KCNMB2: variants seen among roughly 807,000 people sequenced by gnomAD.
KCNMB2 encodes potassium calcium-activated channel subfamily M regulatory beta subunit 2.
Under a neutral mutation model 24.5 loss-of-function variants are expected in KCNMB2, and 9 were observed. That is an observed-to-expected ratio of 0.37 (90% CI 0.22 to 0.64). KCNMB2 has a LOEUF of 0.64. Ranked by LOEUF, KCNMB2 falls within the 30% of genes least tolerant of loss-of-function variation. KCNMB2 has a pLI of 0.63. For missense variants in KCNMB2, 226 were observed against 284.3 expected, an observed-to-expected ratio of 0.79 and a Z score of 1.47; for synonymous variants, 109 against 104.4, an observed-to-expected ratio of 1.04 and a Z score of -0.27.
intron 1 of KCNMB2, among the ~76,000 whole-genome samples, chr3:178,741,042 G>GA (rs1246171552): frequency 2.0e-5 from 3 of 152,208 alleles, no homozygotes; most frequent in Admixed American, 6.5e-5. Context: ...TAAGGAGTGA[G>GA]AGAGAAATAT....
intron 1 of KCNMB2, among the ~76,000 whole-genome samples, chr3:178,590,727 G>A (rs556048009): frequency 6.6e-6 from 1 of 152,250 alleles, no homozygotes; most frequent in African/African-American, 2.4e-5. Context: ...GCTTGTAGTT[G>A]GAGAAAACAC....
intron 1 of KCNMB2, among the ~76,000 whole-genome samples, chr3:178,803,140 G>A (rs886356515): frequency 2.0e-5 from 3 of 152,164 alleles, no homozygotes; most frequent in Admixed American, 2.0e-4. Flanking sequence ...TTTTACAGCT[G>A]AGGAAACAAA....
chr3:178,633,046 G>T (rs2108539904), intron 1 of KCNMB2, among the ~76,000 whole-genome samples: 1 of 152,324 alleles, frequency 6.6e-6, no homozygotes, highest in South Asian at 2.1e-4. Context: ...CACACATCCA[G>T]GTCACACTGA....
intron 1 of KCNMB2, among the ~76,000 whole-genome samples, chr3:178,576,565 T>C (rs1403207881): frequency 2.0e-5 from 3 of 152,128 alleles, no homozygotes; most frequent in African/African-American, 7.2e-5. Flanking sequence ...CCCACCCCCA[T>C]GGAGCCCAGC....
At chr3:178,595,024 A>T (rs189501555) in intron 1 of KCNMB2, among the ~76,000 whole-genome samples, 19 of 138,122 alleles carry the variant, frequency 1.4e-4, no homozygotes, top group African/African-American at 4.5e-4. Flanking sequence ...CTAACGTCTT[A>T]TTATTCCGTG....
At chr3:178,633,078 G>T (rs974157891) in intron 1 of KCNMB2, among the ~76,000 whole-genome samples, 7 of 152,218 alleles carry the variant, frequency 4.6e-5, no homozygotes, top group Non-Finnish European at 1.5e-5. Context: ...GCCTCCCATG[G>T]TCTTGGGCAG....
rs112318588 is a variant in KCNMB2, at chr3:178,660,035, C to G, written c.-68+123324C>G. Among the ~76,000 whole-genome samples the G allele has an allele frequency of 1.1e-3, 171 of 152,228 alleles. 1 individual carries two copies. Among genetic ancestry groups the G allele is most frequent in the African/African-American group, 4.0e-3 (165 of 41,556 alleles). ...GAGCCCTGAGTGCTAGTCTCTATAT[C>G]AAGCGTCAGCCATTCCTTCTATCCT... On this transcript the variant is annotated intron_variant, in intron 1 of 4. Coordinates refer to ENST00000452583, the MANE Select transcript of KCNMB2 (RefSeq NM_181361.3).
At chr3:178,725,928 TC>T (rs1722953524) in intron 1 of KCNMB2, among the ~76,000 whole-genome samples, 1 of 151,798 alleles carries the variant, frequency 6.6e-6, no homozygotes, top group Non-Finnish European at 1.5e-5. Context: ...TATATTTAGA[TC>T]ATTTGCTTTT....
At chr3:178,760,991 G>A (rs1294629809) in intron 1 of KCNMB2, among the ~76,000 whole-genome samples, 2 of 152,050 alleles carry the variant, frequency 1.3e-5, no homozygotes, top group Non-Finnish European at 2.9e-5. Flanking sequence ...CTAGGGCCTC[G>A]GCATTAAGAA....
chr3:178,756,878 C>T (rs1724068106), intron 1 of KCNMB2, among the ~76,000 whole-genome samples: 1 of 151,930 alleles, frequency 6.6e-6, no homozygotes, highest in Non-Finnish European at 1.5e-5. Context: ...TTCCATAATG[C>T]ACATCACAGC....
intron 1 of KCNMB2, among the ~76,000 whole-genome samples, chr3:178,805,032 T>C (rs1177666658): frequency 1.3e-5 from 2 of 152,270 alleles, no homozygotes; most frequent in Admixed American, 1.3e-4. Flanking sequence ...CAACCAGGCC[T>C]AAGCCATTTA....
chr3:178,602,455 A>G (rs1231825305), intron 1 of KCNMB2, among the ~76,000 whole-genome samples: 1 of 152,160 alleles, frequency 6.6e-6, no homozygotes, highest in Non-Finnish European at 1.5e-5. Flanking sequence ...AATGTGACAG[A>G]CAAGGAATCA....
chr3:178,720,018 T>TG (rs1162399414), intron 1 of KCNMB2, among the ~76,000 whole-genome samples: 1 of 152,184 alleles, frequency 6.6e-6, no homozygotes, highest in African/African-American at 2.4e-5. Flanking sequence ...TTAGGGTACA[T>TG]GTGCACAACG....
At chr3:178,614,083 A>G (rs1718592954) in intron 1 of KCNMB2, among the ~76,000 whole-genome samples, 1 of 149,742 alleles carries the variant, frequency 6.7e-6, no homozygotes, top group South Asian at 2.1e-4. Context: ...CTGTCCTGCT[A>G]TTAAAAGAAT....
chr3:178,780,437 G>A (rs1712783576), intron 1 of KCNMB2, among the ~76,000 whole-genome samples: 1 of 152,226 alleles, frequency 6.6e-6, no homozygotes, highest in African/African-American at 2.4e-5. Context: ...AGGAGGGATT[G>A]AAAGTTCCTC....
At chr3:178,832,005 G>A (rs1230756206) in intron 4 of KCNMB2, among the ~76,000 whole-genome samples, 2 of 151,974 alleles carry the variant, frequency 1.3e-5, no homozygotes, top group African/African-American at 4.8e-5. Flanking sequence ...TATACTTGAA[G>A]CTCATGTAGA....
At chr3:178,539,575 T>C (rs925363053) in intron 1 of KCNMB2, among the ~76,000 whole-genome samples, 2 of 152,190 alleles carry the variant, frequency 1.3e-5, no homozygotes, top group Non-Finnish European at 2.9e-5. Context: ...TTTGCTTGTC[T>C]AAGCACAACT....
At chr3:178,722,992 GCTGT>G (rs1722857987) in intron 1 of KCNMB2, among the ~76,000 whole-genome samples, 1 of 152,038 alleles carries the variant, frequency 6.6e-6, no homozygotes, top group East Asian at 1.9e-4. Context: ...TCGATATTGG[GCTGT>G]CTTTGTATCT....
rs371624096 is a variant in KCNMB2, at chr3:178,814,052, C to T, written c.56+6587C>T. Among the ~76,000 whole-genome samples, 32 of 152,146 alleles carry T rather than the reference C, an allele frequency of 2.1e-4. No homozygotes were observed. In the South Asian group the frequency reaches 6.7e-3, roughly 32 times the overall value. The stretch of plus-strand genomic sequence containing the variant: ...ACATGTGCAAGATTTGTTATATGGG[C>T]ATATTGAGTAATACTGAAGTTTGGG... On this transcript the variant is annotated intron_variant, in intron 2 of 4. Transcript: ENST00000452583.
Sources: allele counts gnomAD v4.1 joint callset (sites outside exome capture counted in the v4.1 genomes callset), GRCh38; gene constraint gnomAD v4.1.1; transcripts MANE v1.5; gene names NCBI Gene and HGNC (gene_info 2026-07-23, HGNC 2026-07-21).